The following SGCZ variants were observed in gnomAD, a reference collection of about 807,000 sequenced individuals.
SGCZ encodes the protein sarcoglycan zeta.
A neutral mutation model predicts 41.3 loss-of-function variants in SGCZ; 40 were observed. That is an observed-to-expected ratio of 0.97 (90% confidence interval 0.75 to 1.26). The LOEUF is 1.26. Among genes scored for constraint, SGCZ ranks in the 50% most tolerant of loss-of-function variants. The probability of loss-of-function intolerance (pLI) is 0.00; values close to 1 mark genes in which losing one functional copy is unlikely to be tolerated. For missense variants in SGCZ, 552 were observed against 369.8 expected, an observed-to-expected ratio of 1.49 and a Z score of -4.04; for synonymous variants, 206 against 137.5, an observed-to-expected ratio of 1.50 and a Z score of -3.49.
Position 14,162,105 on chromosome 8 carries a change from C to T in SGCZ, c.547+2475G>A, listed in dbSNP as rs972446248. Among the ~76,000 whole-genome samples the T allele has an allele frequency of 5.9e-5, 9 of 152,262 alleles. No individual in the cohort carries two copies. In the East Asian group the frequency reaches 1.4e-3, roughly 23 times the overall value. On this transcript the variant is annotated intron_variant, in intron 5 of 7. Coordinates refer to ENST00000382080, the MANE Select transcript of SGCZ (RefSeq NM_139167.4). ...CCAAGCAACATTTCAAGGATGGCATCGGGGCTACTAAGCAAAAGCAGAAAA... is the reference window on the plus strand; with the variant it reads ...CCAAGCAACATTTCAAGGATGGCATTGGGGCTACTAAGCAAAAGCAGAAAA...
rs183955864 is a variant in SGCZ at position 15,212,388 on chromosome 8, A to C, written c.39+25197T>G. 1.2e-4 allele frequency among the ~76,000 whole-genome samples: 18 copies of C among 152,182 alleles called. No individual in the cohort carries two copies. The East Asian group carries it at 3.5e-3, about 29-fold the overall frequency. On this transcript the variant is annotated intron_variant, in intron 1 of 7. Coordinates refer to ENST00000382080, the MANE Select transcript of SGCZ (RefSeq NM_139167.4). ...ATTTTAATTTTGTGATCAGCCCAAC[A>C]TTTTTTAAAAAATCCTAGGAGTTTA...
intron 1 of SGCZ, among the ~76,000 whole-genome samples, chr8:14,846,778 A>G (rs1193960330): frequency 6.6e-6 from 1 of 151,402 alleles, no homozygotes; most frequent in Non-Finnish European, 1.5e-5. Context: ...ATAAGAAGAG[A>G]AGAATACCAG....
At chr8:14,703,112 C>G (rs990632178) in intron 1 of SGCZ, among the ~76,000 whole-genome samples, 3 of 151,936 alleles carry the variant, frequency 2.0e-5, no homozygotes, top group Admixed American at 6.6e-5. Context: ...TTAATATATT[C>G]TTTTAAAGAT....
At chr8:14,404,153 A>G (rs1799150235) in intron 2 of SGCZ, among the ~76,000 whole-genome samples, 1 of 152,010 alleles carries the variant, frequency 6.6e-6, no homozygotes, top group Non-Finnish European at 1.5e-5. Context: ...TTTAAATTTT[A>G]CTCTCATAAC....
At chr8:14,143,911 G>A (rs911822134) in intron 5 of SGCZ, among the ~76,000 whole-genome samples, 1 of 152,158 alleles carries the variant, frequency 6.6e-6, no homozygotes, top group Non-Finnish European at 1.5e-5. Context: ...AAAACTGCAT[G>A]AAACTCAGCT....
chr8:14,822,073 TACACACACACACACACAC>T (rs57337707), intron 1 of SGCZ, among the ~76,000 whole-genome samples: 3 of 141,590 alleles, frequency 2.1e-5, no homozygotes, highest in Non-Finnish European at 4.7e-5. Flanking sequence ...CCCTAAAGAT[TACACACACACACACACAC>T]ACACACACAC....
At chr8:14,739,446 G>A (rs187291521) in intron 1 of SGCZ, among the ~76,000 whole-genome samples, 5 of 152,034 alleles carry the variant, frequency 3.3e-5, no homozygotes, top group African/African-American at 4.8e-5. Flanking sequence ...ACATACACAC[G>A]TGGATTTAAG....
At chr8:14,977,328 A>G (rs903011312) in intron 1 of SGCZ, among the ~76,000 whole-genome samples, 1 of 152,196 alleles carries the variant, frequency 6.6e-6, no homozygotes, top group Admixed American at 6.5e-5. Flanking sequence ...CAAAGGCACT[A>G]AATGAACATT....
chr8:14,135,235 A>C (rs1439227185), intron 5 of SGCZ, among the ~76,000 whole-genome samples: 1 of 152,218 alleles, frequency 6.6e-6, no homozygotes, highest in Non-Finnish European at 1.5e-5. Context: ...AATAAATTCA[A>C]AGCTTTTTCA....
rs190912449 is a variant in SGCZ at position 14,607,629 on chromosome 8, G to A, written c.40-52703C>T. Among the ~76,000 whole-genome samples, 332 of 152,212 alleles carry A rather than the reference G, an allele frequency of 2.2e-3. 7 individuals carry two copies. Among genetic ancestry groups the A allele is most frequent in the Admixed American group, 0.014 (210 of 15,280 alleles). ...AATTAACTGTCTAGACTGTGAGTGC[G>A]AGCAAAATGTGCAGGGTAGTGACAA... On this transcript the variant is annotated intron_variant, in intron 1 of 7. Coordinates refer to ENST00000382080, the MANE Select transcript of SGCZ (RefSeq NM_139167.4).
chr8:15,021,196 A>G (rs1239118654), intron 1 of SGCZ, among the ~76,000 whole-genome samples: 1 of 152,254 alleles, frequency 6.6e-6, no homozygotes, highest in Non-Finnish European at 1.5e-5. Flanking sequence ...ATAGATTTAG[A>G]ACTGGTATCA....
At chr8:14,738,907 GTAGGCTCTC>G (rs1279472624) in intron 1 of SGCZ, among the ~76,000 whole-genome samples, 4 of 152,040 alleles carry the variant, frequency 2.6e-5, no homozygotes, top group African/African-American at 9.7e-5. Flanking sequence ...ACTCCCCCAG[GTAGGCTCTC>G]TCTGGGAGGA....
chr8:14,304,946 A>T (rs1801305321), intron 3 of SGCZ, among the ~76,000 whole-genome samples: 1 of 152,154 alleles, frequency 6.6e-6, no homozygotes, highest in Non-Finnish European at 1.5e-5. Flanking sequence ...ACTTAGCAAA[A>T]TTATCAATAA....
At chr8:14,359,332 A>G (rs1381849755) in intron 2 of SGCZ, among the ~76,000 whole-genome samples, 1 of 152,110 alleles carries the variant, frequency 6.6e-6, no homozygotes, top group East Asian at 1.9e-4. Context: ...CAGACAGAAA[A>G]TCAACAAAGA....
intron 5 of SGCZ, among the ~76,000 whole-genome samples, chr8:14,140,776 C>T (rs1218415381): frequency 1.3e-5 from 2 of 152,144 alleles, no homozygotes; most frequent in African/African-American, 4.8e-5. Context: ...ATGCCATCCC[C>T]ATCAAGCTAC....
At chr8:14,654,064 C>G (rs760522244) in intron 1 of SGCZ, among the ~76,000 whole-genome samples, 10 of 151,576 alleles carry the variant, frequency 6.6e-5, no homozygotes, top group Admixed American at 2.0e-4. Context: ...AAAGTTCCTG[C>G]CAAAATAATA....
intron 3 of SGCZ, among the ~76,000 whole-genome samples, chr8:14,295,880 A>G (rs1023092178): frequency 2.6e-5 from 4 of 152,156 alleles, no homozygotes. Flanking sequence ...AGAGCCTCAC[A>G]ATTCTGCATA....
chr8:14,721,704 C>G (rs1809891841), intron 1 of SGCZ, among the ~76,000 whole-genome samples: 1 of 152,196 alleles, frequency 6.6e-6, no homozygotes, highest in African/African-American at 2.4e-5. Flanking sequence ...TCTAACAAAG[C>G]AATCACAGTA....
At chr8:14,458,671 A>T (rs1258260686) in intron 2 of SGCZ, among the ~76,000 whole-genome samples, 1 of 152,200 alleles carries the variant, frequency 6.6e-6, no homozygotes, top group African/African-American at 2.4e-5. Flanking sequence ...CTAGCAACAT[A>T]TGGAGTAGTA....
Sources: gnomAD v4.1 joint callset for allele counts (sites outside exome capture counted in the v4.1 genomes callset) on GRCh38, gnomAD v4.1.1 for gene constraint, MANE v1.5 for transcripts, NCBI Gene and HGNC (gene_info 2026-07-23, HGNC 2026-07-21) for gene names.